The following ERLIN1 variants were observed in gnomAD, a reference collection of about 807,000 sequenced individuals.
ERLIN1 encodes ER lipid raft associated 1.
In ERLIN1, 24 loss-of-function variants were observed where a neutral mutation model predicts 46.9. The observed-to-expected ratio is 0.51, with a 90% confidence interval of 0.37 to 0.72. The LOEUF (loss-of-function observed/expected upper bound fraction) is 0.72, where lower values mean the gene tolerates loss of function less well. ERLIN1 is among the 30% of genes least tolerant of loss of function. ERLIN1 has a pLI of 0.00. For synonymous variants in ERLIN1, 158 were observed against 143.2 expected, an observed-to-expected ratio of 1.10 and a Z score of -0.74; for missense variants, 293 against 417.9, an observed-to-expected ratio of 0.70 and a Z score of 2.61.
chr10:100,161,203 T>TA (rs1278421629), intron 8 of ERLIN1, among the ~76,000 whole-genome samples: 6 of 152,352 alleles, frequency 3.9e-5, no homozygotes, highest in Admixed American at 2.6e-4. Flanking sequence ...GATAAGGACC[T>TA]ATTGTCTGAA....
chr10:100,154,810 A>C lies in ERLIN1; in HGVS notation c.825+50T>G, dbSNP rs1437362286. ...CATATCAGAGCTCCTGAAAAGAGAA[A>C]GCAAAACCCCGAAATGCATCATTAG... On this transcript the variant is annotated intron_variant, in intron 10 of 10. Transcript: ENST00000421367. 2.0e-6 allele frequency: 3 copies of C among 1,492,338 alleles called. No individual in the cohort carries two copies. The African/African-American group carries it at 4.1e-5, about 21-fold the overall frequency. 92.4% of individuals were successfully genotyped at this position (1,492,338 alleles called of 1,614,324 possible).
At chr10:100,172,167 A>G (rs1844038935) in intron 6 of ERLIN1, among the ~76,000 whole-genome samples, 1 of 152,250 alleles carries the variant, frequency 6.6e-6, no homozygotes, top group Admixed American at 6.5e-5. Flanking sequence ...TTCACTAAAT[A>G]TAACCATTAA....
intron 6 of ERLIN1, among the ~76,000 whole-genome samples, chr10:100,169,878 T>G (rs1469902952): frequency 6.6e-6 from 1 of 152,022 alleles, no homozygotes; most frequent in African/African-American, 2.4e-5. Context: ...ATTAGCCAGA[T>G]GTGGGGGTGT....
At chr10:100,185,236 C>T (rs1844894884) in intron 1 of ERLIN1, among the ~76,000 whole-genome samples, 1 of 152,176 alleles carries the variant, frequency 6.6e-6, no homozygotes, top group African/African-American at 2.4e-5. Context: ...AGAGTGACTA[C>T]TTCCTTTCTT....
intron 7 of ERLIN1, among the ~76,000 whole-genome samples, chr10:100,167,032 C>A (rs546658088): frequency 2.6e-5 from 4 of 152,328 alleles, no homozygotes; most frequent in African/African-American, 9.6e-5. Flanking sequence ...GGACTCTTTC[C>A]TCTATTAAAT....
At chr10:100,182,473 A>G (rs1210204502) in intron 2 of ERLIN1, among the ~76,000 whole-genome samples, 1 of 152,154 alleles carries the variant, frequency 6.6e-6, no homozygotes, top group Admixed American at 6.5e-5. Context: ...CAATTTTTCC[A>G]AAGTCATGCC....
Position 100,164,074 on chromosome 10 carries a change from G to A in ERLIN1, c.585C>T (p.Leu195=). Residue 195 remains leucine (L), a synonymous_variant, in exon 8 of 11, where the codon CTC becomes CTT. Coordinates refer to ENST00000421367, the MANE Select transcript of ERLIN1 (RefSeq NM_006459.4). The stretch of plus-strand genomic sequence containing the variant: ...CCTTTTGTTTCTGTGCAGCTATAAG[G>A]AGTTTTGTCTTCTCAGCCTCCCTGT... ...FELMEAEKTK[L]LIAAQKQKVV... The A allele has an allele frequency of 6.2e-7, 1 of 1,612,926 alleles. No individual in the cohort carries two copies. The highest frequency in any genetic ancestry group is 1.1e-5 in the South Asian group (1 of 90,980).
At chr10:100,182,018 T>C (rs1844680624) in intron 2 of ERLIN1, among the ~76,000 whole-genome samples, 1 of 152,078 alleles carries the variant, frequency 6.6e-6, no homozygotes, top group African/African-American at 2.4e-5. Context: ...TTATTAAATA[T>C]ATACACACAC....
intron 1 of ERLIN1, among the ~76,000 whole-genome samples, chr10:100,184,115 C>T (rs903851848): frequency 3.3e-5 from 5 of 152,184 alleles, no homozygotes; most frequent in Non-Finnish European, 5.9e-5. Flanking sequence ...GGATTCTCCT[C>T]GGTCTTTAAC....
At chr10:100,165,179 T>A (rs1415165608) in intron 7 of ERLIN1, among the ~76,000 whole-genome samples, 1 of 152,190 alleles carries the variant, frequency 6.6e-6, no homozygotes, top group African/African-American at 2.4e-5. Flanking sequence ...TAGCTTTTAA[T>A]TCTGGAATTC....
intron 9 of ERLIN1, among the ~76,000 whole-genome samples, chr10:100,155,330 A>G (rs573595550): frequency 6.6e-6 from 1 of 152,068 alleles, no homozygotes; most frequent in South Asian, 2.1e-4. Flanking sequence ...GTCAACAGAG[A>G]CAGACAGGAA....
intron 8 of ERLIN1, 87 bp from the exon 9 acceptor site, chr10:100,156,321 T>C (rs1843080344): frequency 2.6e-6 from 2 of 776,102 alleles, no homozygotes; most frequent in South Asian, 1.5e-5. Flanking sequence ...CAGTCTAACA[T>C]TTAATTACAG....
chr10:100,156,861 TAA>T (rs931898497), intron 8 of ERLIN1, among the ~76,000 whole-genome samples: 1 of 151,812 alleles, frequency 6.6e-6, no homozygotes, highest in Non-Finnish European at 1.5e-5. Context: ...AAAAAATTTA[TAA>T]AATTAGCCAA....
intron 10 of ERLIN1, among the ~76,000 whole-genome samples, chr10:100,153,897 T>C (rs1842932804): frequency 6.6e-6 from 1 of 152,212 alleles, no homozygotes; most frequent in Non-Finnish European, 1.5e-5. Context: ...TCTTTCAATG[T>C]TATGTTCATT....
intron 8 of ERLIN1, among the ~76,000 whole-genome samples, chr10:100,156,470 A>C (rs1228322533): frequency 6.6e-6 from 1 of 152,234 alleles, no homozygotes; most frequent in African/African-American, 2.4e-5. Context: ...GAGTAAAAAA[A>C]GGTTAAAGTG....
chr10:100,155,046 A>T (rs1842999615), intron 9 of ERLIN1, 107 bp from the exon 10 acceptor site: 2 of 937,310 alleles, frequency 2.1e-6, no homozygotes, highest in African/African-American at 1.6e-5. Flanking sequence ...TGAAAGTTTT[A>T]AAAACCTATT....
At chr10:100,154,781 C>T (rs1177927237) in intron 10 of ERLIN1, 79 bp downstream of exon 10, 1 of 1,098,824 alleles carries the variant, frequency 9.1e-7, no homozygotes, top group African/African-American at 1.5e-5. Context: ...AAAATCACTT[C>T]TATCATATCA....
intron 10 of ERLIN1, among the ~76,000 whole-genome samples, chr10:100,153,978 G>A (rs753974521): frequency 1.3e-5 from 2 of 152,008 alleles, no homozygotes; most frequent in Non-Finnish European, 2.9e-5. Context: ...TTCTAAATAC[G>A]GATTATGTTG....
intron 9 of ERLIN1, among the ~76,000 whole-genome samples, 184 bp from the exon 10 acceptor site, chr10:100,155,123 A>G (rs1003863402): frequency 2.0e-5 from 3 of 152,182 alleles, no homozygotes; most frequent in East Asian, 1.9e-4. Flanking sequence ...TCACTGTCAA[A>G]TAACTCTCAG....
Sources: allele counts gnomAD v4.1 joint callset (sites outside exome capture counted in the v4.1 genomes callset), GRCh38; gene constraint gnomAD v4.1.1; transcripts MANE v1.5; gene names NCBI Gene and HGNC (gene_info 2026-07-23, HGNC 2026-07-21).